The following CCSER1 variants were observed in gnomAD, a reference collection of about 807,000 sequenced individuals.
The protein encoded by CCSER1 is coiled-coil serine rich protein 1.
A neutral mutation model predicts 82.0 loss-of-function variants in CCSER1; 41 were observed. That is an observed-to-expected ratio of 0.50 (90% CI 0.39 to 0.65). The LOEUF is 0.65. CCSER1 is among the 30% of genes least tolerant of loss of function. The pLI, the probability that CCSER1 is intolerant of heterozygous loss-of-function variation, is 0.00. For synonymous variants in CCSER1, 414 were observed against 383.9 expected (o/e 1.08, Z -0.92); for missense variants, 1,119 against 1,064.2 (o/e 1.05, Z -0.72).
chr4:90,209,989 TTCTC>T (rs1739655257), intron 1 of CCSER1, among the ~76,000 whole-genome samples: 1 of 152,158 alleles, frequency 6.6e-6, no homozygotes, highest in Non-Finnish European at 1.5e-5. Flanking sequence ...TCTGAAGCCT[TTCTC>T]TCTCGGTATC....
chr4:91,022,940 T>A (rs1740138215), intron 9 of CCSER1, among the ~76,000 whole-genome samples: 1 of 152,264 alleles, frequency 6.6e-6, no homozygotes, highest in African/African-American at 2.4e-5. Context: ...ATTGCAAAAA[T>A]TTTCTCCCAT....
At chr4:91,245,683 G>T (rs115994637) in intron 10 of CCSER1, among the ~76,000 whole-genome samples, 1 of 151,886 alleles carries the variant, frequency 6.6e-6, no homozygotes, top group Non-Finnish European at 1.5e-5. Context: ...ATATATACAC[G>T]TGTATATATA....
intron 8 of CCSER1, among the ~76,000 whole-genome samples, chr4:90,822,372 G>A (rs1472594937): frequency 6.6e-6 from 1 of 152,094 alleles, no homozygotes; most frequent in African/African-American, 2.4e-5. Context: ...ACTTTTATTT[G>A]TTTTCTAGCC....
intron 10 of CCSER1, among the ~76,000 whole-genome samples, chr4:91,498,220 A>C (rs909579970): frequency 6.6e-6 from 1 of 152,032 alleles, no homozygotes; most frequent in Admixed American, 6.6e-5. Flanking sequence ...GAAAATCAGT[A>C]AAAGAAAATT....
rs914073591 is a variant in CCSER1 at position 91,083,706 on chromosome 4, T to C, written c.2173-2244T>C. The stretch of plus-strand genomic sequence containing the variant: ...AAACTTCTAGAAATGAAAACTAAGA[T>C]AGCTGAAATAAAAATTTCACTGAAT... On this transcript the variant is annotated intron_variant, in intron 9 of 10. Coordinates refer to ENST00000509176, the MANE Select transcript of CCSER1 (RefSeq NM_001145065.2). Among the ~76,000 whole-genome samples the C allele has an allele frequency of 5.3e-5, 8 of 152,136 alleles. No individual in the cohort carries two copies. In the East Asian group the frequency reaches 1.5e-3, roughly 29 times the overall value.
intron 10 of CCSER1, among the ~76,000 whole-genome samples, chr4:91,121,990 CTT>C (rs910136774): frequency 1.4e-4 from 21 of 151,792 alleles, no homozygotes; most frequent in African/African-American, 4.8e-4. Flanking sequence ...AAGATTCTGA[CTT>C]ATTTCAGAAT....
rs527446613 is a variant in CCSER1, at chr4:90,698,358, G to A, written c.1933-25556G>A. ...AGTTTCAGAGAGAACTGACATCTAG[G>A]TGTGAAAAGAACTAGAGAGGAGAGA... On this transcript the variant is annotated intron_variant, in intron 6 of 10. Transcript: ENST00000509176. 3.5e-3 allele frequency among the ~76,000 whole-genome samples: 530 copies of A among 152,236 alleles called. 4 individuals are homozygous for A. Among genetic ancestry groups the A allele is most frequent in the Non-Finnish European group, 6.2e-3 (425 of 68,004 alleles).
chr4:90,375,334 T>C (rs1748134767), intron 3 of CCSER1, among the ~76,000 whole-genome samples: 1 of 152,166 alleles, frequency 6.6e-6, no homozygotes, highest in Non-Finnish European at 1.5e-5. Flanking sequence ...TCCTTCCAGA[T>C]GACAGAGCTA....
At chr4:90,487,980 C>G (rs1174336902) in intron 5 of CCSER1, among the ~76,000 whole-genome samples, 2 of 152,076 alleles carry the variant, frequency 1.3e-5, no homozygotes, top group African/African-American at 4.8e-5. Flanking sequence ...GAAGTCAACA[C>G]TTAGTAGATT....
chr4:90,946,402 G>T (rs1290209469), intron 9 of CCSER1, among the ~76,000 whole-genome samples: 2 of 152,164 alleles, frequency 1.3e-5, no homozygotes, highest in African/African-American at 2.4e-5. Context: ...AGGCTGAGGT[G>T]GGTGTATCAC....
chr4:91,203,805 T>TATAGTAG (rs1390383108), intron 10 of CCSER1, among the ~76,000 whole-genome samples: 1 of 151,858 alleles, frequency 6.6e-6, no homozygotes, highest in Non-Finnish European at 1.5e-5. Flanking sequence ...TACTAGTTTC[T>TATAGTAG]ATAGTCTACA....
intron 6 of CCSER1, among the ~76,000 whole-genome samples, chr4:90,646,996 C>T (rs1234167703): frequency 2.0e-5 from 3 of 152,020 alleles, no homozygotes; most frequent in African/African-American, 4.8e-5. Context: ...AAATGATAGC[C>T]CAGGATAAAT....
At chr4:91,058,706 A>C (rs1192649723) in intron 9 of CCSER1, among the ~76,000 whole-genome samples, 1 of 152,078 alleles carries the variant, frequency 6.6e-6, no homozygotes, top group African/African-American at 2.4e-5. Flanking sequence ...CCTTGACTCA[A>C]GGCCTTAGAA....
intron 4 of CCSER1, among the ~76,000 whole-genome samples, chr4:90,429,347 T>A (rs1227632709): frequency 6.6e-6 from 1 of 151,810 alleles, no homozygotes; most frequent in East Asian, 1.9e-4. Context: ...GATGGCACAG[T>A]CTGTTGGCAA....
intron 1 of CCSER1, among the ~76,000 whole-genome samples, chr4:90,158,261 CGTGTGAG>C (rs1728693959): frequency 6.6e-6 from 1 of 152,096 alleles, no homozygotes; most frequent in African/African-American, 2.4e-5. Flanking sequence ...AGTACCTGGT[CGTGTGAG>C]GTGTCAGTCT....
chr4:90,420,192 C>G (rs1420923232), intron 4 of CCSER1, among the ~76,000 whole-genome samples: 2 of 151,792 alleles, frequency 1.3e-5, no homozygotes, highest in Admixed American at 1.3e-4. Flanking sequence ...TACAAATTGA[C>G]CAATTGATTA....
At chr4:91,049,205 A>G (rs1405185011) in intron 9 of CCSER1, among the ~76,000 whole-genome samples, 1 of 152,138 alleles carries the variant, frequency 6.6e-6, no homozygotes, top group Non-Finnish European at 1.5e-5. Flanking sequence ...CTAGGGTATT[A>G]GTCAGTTTTC....
intron 10 of CCSER1, among the ~76,000 whole-genome samples, chr4:91,203,263 T>A (rs1242540118): frequency 6.6e-6 from 1 of 152,010 alleles, no homozygotes; most frequent in African/African-American, 2.4e-5. Context: ...TGAGCTTTTT[T>A]TCATGTGGCA....
At chr4:91,522,169 G>T (rs557401906) in intron 10 of CCSER1, among the ~76,000 whole-genome samples, 2 of 152,300 alleles carry the variant, frequency 1.3e-5, no homozygotes, top group Admixed American at 6.5e-5. Context: ...TGACATGTTT[G>T]TCAAAGATCA....
Sources: allele counts gnomAD v4.1 joint callset (sites outside exome capture counted in the v4.1 genomes callset), GRCh38; gene constraint gnomAD v4.1.1; transcripts MANE v1.5; gene names NCBI Gene and HGNC (gene_info 2026-07-23, HGNC 2026-07-21).